The following RGS17 variants were observed in gnomAD, a reference collection of about 807,000 sequenced individuals.
The protein encoded by RGS17 is regulator of G protein signaling 17.
A neutral mutation model predicts 25.5 loss-of-function variants in RGS17; 12 were observed. The observed-to-expected ratio is 0.47, with a 90% CI of 0.30 to 0.76. The LOEUF is 0.76. Ranked by LOEUF, RGS17 falls within the 30% of genes least tolerant of loss-of-function variation. The pLI is 0.07. For synonymous variants in RGS17, 71 were observed against 76.9 expected, an observed-to-expected ratio of 0.92 and a Z score of 0.40; for missense variants, 196 against 242.2, an observed-to-expected ratio of 0.81 and a Z score of 1.27.
intron 1 of RGS17, among the ~76,000 whole-genome samples, chr6:153,060,235 C>G (rs1776615539): frequency 6.6e-6 from 1 of 152,194 alleles, no homozygotes; most frequent in African/African-American, 2.4e-5. Flanking sequence ...CCCTCTCTTT[C>G]TGCTCTTTGG....
At chr6:153,021,508 T>C (rs930098603) in intron 4 of RGS17, among the ~76,000 whole-genome samples, 3 of 152,250 alleles carry the variant, frequency 2.0e-5, no homozygotes, top group African/African-American at 7.2e-5. Flanking sequence ...GTTTAAAACA[T>C]AGCTTTTTAA....
At chr6:153,064,425 T>C (rs1276345251) in intron 1 of RGS17, among the ~76,000 whole-genome samples, 1 of 151,960 alleles carries the variant, frequency 6.6e-6, no homozygotes, top group African/African-American at 2.4e-5. Context: ...GGTGAGGAGA[T>C]TGAGACCATC....
intron 2 of RGS17, among the ~76,000 whole-genome samples, chr6:153,034,169 T>C (rs907849443): frequency 1.3e-5 from 2 of 152,160 alleles, no homozygotes; most frequent in Non-Finnish European, 2.9e-5. Context: ...CCAGTTAGTG[T>C]GTGTGTGTGA....
At chr6:153,054,804 A>G (rs1776532054) in intron 1 of RGS17, among the ~76,000 whole-genome samples, 3 of 152,116 alleles carry the variant, frequency 2.0e-5, no homozygotes, top group African/African-American at 7.2e-5. Context: ...ATGTTGTCCC[A>G]TAATCATCTT....
intron 1 of RGS17, among the ~76,000 whole-genome samples, chr6:153,090,042 G>A (rs1490920680): frequency 6.6e-6 from 1 of 152,098 alleles, no homozygotes; most frequent in Admixed American, 6.6e-5. Context: ...ATTGAACAGT[G>A]TATGAATAAT....
At chr6:153,038,989 G>A (rs953246928) in intron 2 of RGS17, among the ~76,000 whole-genome samples, 1 of 152,142 alleles carries the variant, frequency 6.6e-6, no homozygotes, top group Non-Finnish European at 1.5e-5. Context: ...GCTTTCAAAA[G>A]GCTAGTTAAT....
intron 1 of RGS17, among the ~76,000 whole-genome samples, chr6:153,106,588 C>T (rs1490506013): frequency 6.6e-6 from 1 of 151,550 alleles, no homozygotes; most frequent in African/African-American, 2.4e-5. Flanking sequence ...TGTTGATCAA[C>T]AATCCTGGAG....
chr6:153,060,592 TAA>T (rs1249997308), intron 1 of RGS17, among the ~76,000 whole-genome samples: 1 of 152,140 alleles, frequency 6.6e-6, no homozygotes, highest in Admixed American at 6.6e-5. Flanking sequence ...AAAATAATTA[TAA>T]GTTTCAATTA....
intron 4 of RGS17, among the ~76,000 whole-genome samples, chr6:153,020,720 G>A (rs923664317): frequency 6.6e-6 from 1 of 152,050 alleles, no homozygotes; most frequent in Admixed American, 6.5e-5. Flanking sequence ...CAATTTTTAG[G>A]CATTACCATT....
chr6:153,079,942 AAACTT>A (rs1199904789), intron 1 of RGS17, among the ~76,000 whole-genome samples: 3 of 152,146 alleles, frequency 2.0e-5, no homozygotes, highest in Non-Finnish European at 4.4e-5. Context: ...TTTGGATTCC[AAACTT>A]AATAGTTATA....
chr6:153,066,217 C>G (rs767564180), intron 1 of RGS17, among the ~76,000 whole-genome samples: 1 of 152,010 alleles, frequency 6.6e-6, no homozygotes, highest in Non-Finnish European at 1.5e-5. Flanking sequence ...CAACCTACCA[C>G]GATTGAACCA....
chr6:153,126,738 T>C (rs1399692777), intron 1 of RGS17, among the ~76,000 whole-genome samples: 2 of 152,212 alleles, frequency 1.3e-5, no homozygotes, highest in African/African-American at 4.8e-5. Flanking sequence ...CTAGCTGTTC[T>C]AAGCATCGTG....
At position 153,011,066 on chromosome 6, in the gene RGS17, TAG is replaced by T. The variant is rs1266533539; in HGVS notation, c.*506_*507del. ...AAATTAGTGTACTAAACACAGTATA[TAG>T]AATGTTGAATACCATTGTTACATAG... is the stretch of plus-strand genomic sequence containing the variant. On this transcript the variant is annotated 3_prime_UTR_variant, in exon 5 of 5. Transcript: ENST00000206262. 6.5e-6 allele frequency: 1 copy of T among 153,504 alleles called. No homozygotes were observed. Among genetic ancestry groups the T allele is most frequent in the Non-Finnish European group, 1.5e-5 (1 of 68,760 alleles). 9.5% of individuals were successfully genotyped at this position (153,504 alleles called of 1,614,324 possible).
intron 1 of RGS17, among the ~76,000 whole-genome samples, chr6:153,120,089 A>G (rs1777604266): frequency 6.6e-6 from 1 of 152,244 alleles, no homozygotes. Flanking sequence ...TAAGTTCAAA[A>G]TAACATTGCA....
Position 153,130,483 on chromosome 6 carries a change from TACAC to T in RGS17, c.-26+637_-26+640del, listed in dbSNP as rs58779961. Among the ~76,000 whole-genome samples, 147 of 145,954 alleles carry T rather than the reference TACAC, an allele frequency of 1.0e-3. No individual in the cohort carries two copies. The highest frequency in any genetic ancestry group is 2.9e-3 in the African/African-American group (117 of 39,802). On this transcript the variant is annotated intron_variant, in intron 1 of 4. Coordinates refer to ENST00000206262, the MANE Select transcript of RGS17 (RefSeq NM_012419.5). This position sits in a 1 kb window ranked among gnomAD's most constrained non-coding sequence, Gnocchi z 6.4. ...CCCACCCCCTATACATACATACACA[TACAC>T]ACACACACACACACACACACACCCC...
intron 1 of RGS17, among the ~76,000 whole-genome samples, chr6:153,093,611 G>A (rs1338547852): frequency 6.6e-6 from 1 of 152,108 alleles, no homozygotes; most frequent in African/African-American, 2.4e-5. Context: ...AATACATTTC[G>A]GGCAAGGTTC....
At chr6:153,104,022 T>C (rs1289180699) in intron 1 of RGS17, among the ~76,000 whole-genome samples, 1 of 152,234 alleles carries the variant, frequency 6.6e-6, no homozygotes, top group Non-Finnish European at 1.5e-5. Context: ...CTTAGAATTA[T>C]TGAAACATGA....
Position 153,104,509 on chromosome 6 carries a change from A to C in RGS17, c.-26+26615T>G, listed in dbSNP as rs1449624690. Among the ~76,000 whole-genome samples, 4 of 152,380 alleles carry C rather than the reference A, an allele frequency of 2.6e-5. No individual in the cohort carries two copies. The South Asian group carries it at 8.3e-4, about 32-fold the overall frequency. On this transcript the variant is annotated intron_variant, in intron 1 of 4. Transcript: ENST00000206262. ...CTGAAATTAGAACATGGACGTAAAG[A>C]TAATTCAAAGAGAAATGTATCTGTT...
chr6:153,117,351 A>G (rs966621585), intron 1 of RGS17, among the ~76,000 whole-genome samples: 7 of 152,166 alleles, frequency 4.6e-5, no homozygotes, highest in African/African-American at 1.4e-4. Context: ...CCATGATCCA[A>G]TCAGCACCCA....
Sources: allele counts gnomAD v4.1 joint callset (sites outside exome capture counted in the v4.1 genomes callset), GRCh38; gene constraint gnomAD v4.1.1; non-coding constraint Gnocchi (gnomAD v3.1); transcripts MANE v1.5; gene names NCBI Gene and HGNC (gene_info 2026-07-23, HGNC 2026-07-21).